The following HSD17B3 variants were observed in gnomAD, a reference collection of about 807,000 sequenced individuals.
HSD17B3 encodes the protein 17-beta-hydroxysteroid dehydrogenase type 3.
Under a neutral mutation model 41.1 loss-of-function variants are expected in HSD17B3, and 29 were observed. That is an observed-to-expected ratio of 0.71 (90% CI 0.53 to 0.96). HSD17B3 has a LOEUF of 0.96. Ranked by LOEUF, HSD17B3 falls within the 40% of genes least tolerant of loss-of-function variation. HSD17B3 has a pLI of 0.00. For missense variants in HSD17B3, 323 were observed against 374.6 expected, an observed-to-expected ratio of 0.86 and a Z score of 1.14; for synonymous variants, 126 against 145.6, an observed-to-expected ratio of 0.87 and a Z score of 0.97.
chr9:96,263,766 C>T (rs1402093290), intron 2 of HSD17B3, among the ~76,000 whole-genome samples: 4 of 151,876 alleles, frequency 2.6e-5, no homozygotes, highest in South Asian at 2.1e-4. Flanking sequence ...AAATAAGCTA[C>T]AAGAACAAGA....
intron 2 of HSD17B3, among the ~76,000 whole-genome samples, chr9:96,271,732 TTTG>T (rs201039147): frequency 7.9e-5 from 12 of 152,132 alleles, no homozygotes; most frequent in Non-Finnish European, 5.9e-5. Context: ...TATTGGGTTT[TTTG>T]TTGTTGTTGT....
chr9:96,239,567 CAG>C (rs372826206), intron 10 of HSD17B3: 1 of 152,188 alleles, frequency 6.6e-6, no homozygotes. Flanking sequence ...TATCTCTTGC[CAG>C]AGTCTTTAAG....
chr9:96,270,185 T>C lies in HSD17B3; in HGVS notation c.202-15242A>G, dbSNP rs114112554. On this transcript the variant is annotated intron_variant, in intron 2 of 10. Transcript: ENST00000375263. ...AAATGACACAGGACTGATTTTATCA[T>C]TTTTTGTAACCATATCTATGCATTA... Among the ~76,000 whole-genome samples the C allele has an allele frequency of 4.2e-3, 642 of 152,178 alleles. 3 individuals carry two copies. The highest frequency in any genetic ancestry group is 0.015 in the African/African-American group (622 of 41,532).
intron 2 of HSD17B3, among the ~76,000 whole-genome samples, chr9:96,266,102 C>G (rs1826035410): frequency 6.6e-6 from 1 of 152,212 alleles, no homozygotes; most frequent in African/African-American, 2.4e-5. Context: ...ATTAGAGATA[C>G]AGGCAAGATT....
In HSD17B3 at chr9:96,246,583, T is replaced by C; in HGVS notation, c.497A>G (p.Gln166Arg). The change falls in exon 7 of 11, where the codon CAG becomes CGG. Residue 166 changes from glutamine (Q) to arginine (R), a missense_variant. Physicochemically the swap from Gln to Arg is conservative, Grantham distance 43. Transcript: ENST00000375263. ...TGATTCCATATGTTTCAGAATTAGC[T>C]GTGTCATCTACAAGAGAAGGCCAAA... The part of the protein sequence containing the change: ...CNITSVVKMT[Q>R]LILKHMESRQ... 1 of 1,614,098 alleles carries C rather than the reference T, an allele frequency of 6.2e-7. No individual in the cohort carries two copies. Among genetic ancestry groups the C allele is most frequent in the Non-Finnish European group, 8.5e-7 (1 of 1,179,992 alleles).
chr9:96,257,983 A>G (rs1347037343), intron 2 of HSD17B3, among the ~76,000 whole-genome samples: 1 of 152,180 alleles, frequency 6.6e-6, no homozygotes, highest in Non-Finnish European at 1.5e-5. Context: ...CTATCCAATT[A>G]TCTAATTATC....
intron 2 of HSD17B3, among the ~76,000 whole-genome samples, chr9:96,259,775 T>C (rs966676462): frequency 6.6e-6 from 1 of 152,068 alleles, no homozygotes; most frequent in Non-Finnish European, 1.5e-5. Context: ...AAGCCCTCAA[T>C]TGTGTTACTT....
At chr9:96,283,007 T>TCA in intron 2 of HSD17B3, among the ~76,000 whole-genome samples, 1 of 139,286 alleles carries the variant, frequency 7.2e-6, no homozygotes, top group African/African-American at 2.6e-5. Context: ...TTTTTTTTTT[T>TCA]TTTTTTTTTT....
chr9:96,237,884 C>T (rs1368526080), intron 10 of HSD17B3, among the ~76,000 whole-genome samples: 2 of 152,168 alleles, frequency 1.3e-5, no homozygotes, highest in Non-Finnish European at 2.9e-5. Flanking sequence ...AATCCTAGCA[C>T]TTTGGGAGGC....
At chr9:96,277,410 AT>A (rs1826507814) in intron 2 of HSD17B3, among the ~76,000 whole-genome samples, 2 of 152,220 alleles carry the variant, frequency 1.3e-5, no homozygotes, top group South Asian at 4.1e-4. Flanking sequence ...AGGAAGAAGG[AT>A]GTAAATAGAC....
intron 2 of HSD17B3, among the ~76,000 whole-genome samples, chr9:96,280,834 A>G (rs1826662968): frequency 6.6e-6 from 1 of 152,154 alleles, no homozygotes; most frequent in Admixed American, 6.5e-5. Context: ...CAATATGGCG[A>G]GGAGAGTGAC....
chr9:96,263,124 T>C (rs1180469541), intron 2 of HSD17B3, among the ~76,000 whole-genome samples: 1 of 152,178 alleles, frequency 6.6e-6, no homozygotes, highest in Non-Finnish European at 1.5e-5. Flanking sequence ...GTGTCTTCTG[T>C]AGGTAATGCA....
At position 96,255,813 on chromosome 9, in the gene HSD17B3, G is replaced by C. The variant is rs113627507; in HGVS notation, c.202-870C>G. ...AAGAGAAAACGGGACGGGGAGCACA[G>C]GGTAGAGAGCTGGACGCGTCCCCTG... On this transcript the variant is annotated intron_variant, in intron 2 of 10. Transcript: ENST00000375263. 1.5e-3 allele frequency among the ~76,000 whole-genome samples: 224 copies of C among 152,306 alleles called. 3 individuals carry two copies. The highest frequency in any genetic ancestry group is 4.9e-3 in the African/African-American group (203 of 41,564).
At chr9:96,292,933 T>C (rs1827208941) in intron 2 of HSD17B3, among the ~76,000 whole-genome samples, 2 of 152,198 alleles carry the variant, frequency 1.3e-5, no homozygotes, top group South Asian at 4.1e-4. Context: ...ATCCTGTATC[T>C]AGCAAAACAA....
intron 2 of HSD17B3, among the ~76,000 whole-genome samples, chr9:96,298,159 A>ACCAAATGT (rs1296423362): frequency 1.3e-5 from 2 of 152,238 alleles, no homozygotes; most frequent in Non-Finnish European, 2.9e-5. Context: ...CAATTACACT[A>ACCAAATGT]GAAAATACCA....
chr9:96,264,629 T>A (rs529616200), intron 2 of HSD17B3, among the ~76,000 whole-genome samples: 4 of 152,278 alleles, frequency 2.6e-5, no homozygotes, highest in African/African-American at 7.2e-5. Context: ...CGCCTCAGCC[T>A]CCCAGAGTGC....
chr9:96,249,152 C>A (rs1836792320), intron 6 of HSD17B3, among the ~76,000 whole-genome samples: 1 of 152,126 alleles, frequency 6.6e-6, no homozygotes, highest in Admixed American at 6.5e-5. Context: ...GGTGATCTAC[C>A]TCGGCCTCCC....
intron 2 of HSD17B3, among the ~76,000 whole-genome samples, chr9:96,289,562 A>G (rs1827065292): frequency 6.6e-6 from 1 of 152,184 alleles, no homozygotes; most frequent in African/African-American, 2.4e-5. Context: ...TCACTTCATC[A>G]GCCTCCTGAA....
chr9:96,294,289 AG>A (rs1253779280), intron 2 of HSD17B3, among the ~76,000 whole-genome samples: 1 of 152,204 alleles, frequency 6.6e-6, no homozygotes, highest in African/African-American at 2.4e-5. Flanking sequence ...AGAGGAAAAA[AG>A]TCCACAAGGA....
Sources: allele counts gnomAD v4.1 joint callset (sites outside exome capture counted in the v4.1 genomes callset), GRCh38; gene constraint gnomAD v4.1.1; transcripts MANE v1.5; gene names NCBI Gene and HGNC (gene_info 2026-07-23, HGNC 2026-07-21).